PEMT: variants seen among roughly 807,000 people sequenced by gnomAD.
The protein encoded by PEMT is phosphatidylethanolamine N-methyltransferase.
Under a neutral mutation model 27.4 loss-of-function variants are expected in PEMT, and 23 were observed. The ratio of observed to expected loss-of-function variants is 0.84; its 90% confidence interval spans 0.60 to 1.19. The LOEUF (loss-of-function observed/expected upper bound fraction) is 1.19, where lower values mean the gene tolerates loss of function less well. Ranked by LOEUF, PEMT falls within the 50% of genes most tolerant of loss-of-function variation. PEMT has a pLI of 0.00. For synonymous variants in PEMT, 137 were observed against 139.1 expected (o/e 0.98, Z 0.11); for missense variants, 307 against 310.1 (o/e 0.99, Z 0.07).
At chr17:17,517,976 C>G (rs1906968024) in intron 3 of PEMT, 1 of 985,604 alleles carries the variant, frequency 1.0e-6, no homozygotes. Context: ...GGGAATACCT[C>G]CAGGTTGAGG....
rs112790749 is a variant in PEMT, at chr17:17,558,350, T to C, written c.204+18570A>G. On this transcript the variant is annotated intron_variant, in intron 2 of 6. Coordinates refer to ENST00000255389, the MANE Select transcript of PEMT (RefSeq NM_148172.3). ...GGTGAAACACTGTCTCTACTACAAA[T>C]ACAAAAAATTAGCTGGGTGTGGTGG... Among the ~76,000 whole-genome samples, 68 of 151,702 alleles carry C rather than the reference T, an allele frequency of 4.5e-4. No homozygotes were observed. The Middle Eastern group carries it at 0.01, about 23-fold the overall frequency.
Position 17,577,032 on chromosome 17 carries a change from A to C in PEMT, c.97-5T>G, listed in dbSNP as rs375891555. 6.2e-7 allele frequency: 1 copy of C among 1,610,258 alleles called. No individual in the cohort carries two copies. The highest frequency in any genetic ancestry group is 1.7e-5 in the Admixed American group (1 of 60,004). On this transcript the variant is annotated splice_region_variant and splice_polypyrimidine_tract_variant and intron_variant, in intron 1 of 6. Coordinates refer to ENST00000255389, the MANE Select transcript of PEMT (RefSeq NM_148172.3). The stretch of plus-strand genomic sequence containing the variant: ...GGTCATAACGCAGAAGTCTGCCTGC[A>C]GGGACAGAGCTAGCATCAGCACCAC...
intron 2 of PEMT, among the ~76,000 whole-genome samples, chr17:17,552,045 T>C (rs1248315006): frequency 1.3e-5 from 2 of 152,100 alleles, no homozygotes; most frequent in African/African-American, 4.8e-5. Flanking sequence ...CTACTAAAAA[T>C]ACAAAAATTA....
rs1906523870 is a variant in PEMT, at chr17:17,512,858, C to A, written c.321-204G>T. ...GTAACAGGGAGGGGCCCAGGCCTGT[C>A]AGATTTTTAAATTTTTTCAAGAGAA... On this transcript the variant is annotated intron_variant, in intron 3 of 6. Coordinates refer to ENST00000255389, the MANE Select transcript of PEMT (RefSeq NM_148172.3). The surrounding 1 kb of genome is among the most constrained non-coding windows in gnomAD (Gnocchi z 6.3). 1.3e-5 allele frequency among the ~76,000 whole-genome samples: 2 copies of A among 152,140 alleles called. No individual in the cohort carries two copies. The highest frequency in any genetic ancestry group is 4.8e-5 in the African/African-American group (2 of 41,426).
intron 2 of PEMT, among the ~76,000 whole-genome samples, chr17:17,529,230 C>T (rs563674631): frequency 1.4e-4 from 22 of 152,334 alleles, no homozygotes; most frequent in African/African-American, 5.3e-4. Context: ...ATCACACCTG[C>T]CCTTCCCAAC....
At chr17:17,577,286 G>A (rs1911666502) in intron 1 of PEMT, 2 of 477,184 alleles carry the variant, frequency 4.2e-6, no homozygotes, top group Non-Finnish European at 7.5e-6. Context: ...CTGAAGAGGG[G>A]TGCCTGGCAC....
intron 2 of PEMT, among the ~76,000 whole-genome samples, chr17:17,532,428 T>C (rs928898398): frequency 3.9e-5 from 6 of 152,172 alleles, no homozygotes; most frequent in Non-Finnish European, 5.9e-5. Context: ...CCATTTACTA[T>C]AGCAATTAAA....
chr17:17,577,318 C>T, intron 1 of PEMT: 1 of 479,528 alleles, frequency 2.1e-6, no homozygotes, highest in Non-Finnish European at 3.5e-6. Context: ...GTGACACCAA[C>T]CCTGGTGTGA....
At chr17:17,591,310 G>T in intron 1 of PEMT, 2 of 548,878 alleles carry the variant, frequency 3.6e-6, no homozygotes, top group East Asian at 6.3e-5. Flanking sequence ...CCCCGTCTCT[G>T]ACACACGCAA....
At chr17:17,527,868 G>A (rs770629719) in intron 2 of PEMT, among the ~76,000 whole-genome samples, 8 of 152,206 alleles carry the variant, frequency 5.3e-5, no homozygotes, top group Admixed American at 2.0e-4. Context: ...GCCCTTGATG[G>A]ACTCTCAGAA....
chr17:17,522,997 T>C (rs1907396299), intron 2 of PEMT, among the ~76,000 whole-genome samples: 2 of 152,208 alleles, frequency 1.3e-5, no homozygotes, highest in Admixed American at 1.3e-4. Flanking sequence ...CCTTTTACTT[T>C]GTTTTTTTTC....
chr17:17,557,114 G>A (rs1339943018), intron 2 of PEMT, among the ~76,000 whole-genome samples: 1 of 152,098 alleles, frequency 6.6e-6, no homozygotes, highest in East Asian at 1.9e-4. Context: ...TTAACCCCTG[G>A]CTTTTCCCCC....
At chr17:17,591,962 C>T, upstream of PEMT, 2 of 985,490 alleles carry the variant, frequency 2.0e-6, no homozygotes, top group Non-Finnish European at 2.4e-6. Context: ...GAGCCTGTAA[C>T]TGACCTGGCG....
chr17:17,518,191 A>C, intron 3 of PEMT: 3 of 981,130 alleles, frequency 3.1e-6, no homozygotes, highest in Non-Finnish European at 2.4e-6. Context: ...TGATGCCCTA[A>C]CAAGCTCGGC....
At position 17,512,984 on chromosome 17, in the gene PEMT, C is replaced by T. The variant is rs1453426560; in HGVS notation, c.321-330G>A. Reference sequence around the variant, plus strand: ...TGCATGTGAGCAGGCTGGATTCAGCCCGAAGGCCACCAGCTTGCAAACTCT... The same window carrying T: ...TGCATGTGAGCAGGCTGGATTCAGCTCGAAGGCCACCAGCTTGCAAACTCT... On this transcript the variant is annotated intron_variant, in intron 3 of 6. Transcript: ENST00000255389. The surrounding 1 kb of genome is among the most constrained non-coding windows in gnomAD (Gnocchi z 6.3). 6.6e-6 allele frequency among the ~76,000 whole-genome samples: 1 copy of T among 152,210 alleles called. No individual in the cohort carries two copies. The highest frequency in any genetic ancestry group is 1.9e-4 in the East Asian group (1 of 5,198).
At chr17:17,511,230 T>C (rs1483736743) in intron 4 of PEMT, among the ~76,000 whole-genome samples, 6 of 152,126 alleles carry the variant, frequency 3.9e-5, no homozygotes, top group African/African-American at 7.2e-5. Flanking sequence ...TTCTCTTTCC[T>C]ACCTGCCCGC....
At chr17:17,586,942 G>T (rs1043593499) in intron 1 of PEMT, among the ~76,000 whole-genome samples, 1 of 152,162 alleles carries the variant, frequency 6.6e-6, no homozygotes, top group African/African-American at 2.4e-5. Flanking sequence ...GACGGAGGTT[G>T]CAGTGAGCCG....
chr17:17,540,218 C>T lies in PEMT; in HGVS notation c.205-17823G>A, dbSNP rs113081058. Among the ~76,000 whole-genome samples the T allele has an allele frequency of 4.8e-3, 734 of 152,320 alleles. 4 individuals carry two copies. The highest frequency in any genetic ancestry group is 0.01 in the Middle Eastern group (3 of 294). ...GGAAGGAAGAAGAGCCTCAGAGGGG[C>T]CTTCCAATCCCAGCTCCAACCCTCC... is the stretch of plus-strand genomic sequence containing the variant. On this transcript the variant is annotated intron_variant, in intron 2 of 6. Transcript: ENST00000255389.
chr17:17,529,165 C>T (rs560951917), intron 2 of PEMT, among the ~76,000 whole-genome samples: 14 of 152,326 alleles, frequency 9.2e-5, no homozygotes, highest in African/African-American at 2.6e-4. Context: ...GAGGTCGCAC[C>T]GTGTCAGCCC....
Sources: allele counts gnomAD v4.1 joint callset (sites outside exome capture counted in the v4.1 genomes callset), GRCh38; gene constraint gnomAD v4.1.1; non-coding constraint Gnocchi (gnomAD v3.1); transcripts MANE v1.5; gene names NCBI Gene and HGNC (gene_info 2026-07-23, HGNC 2026-07-21).